The following PDE11A variants were observed in gnomAD, a reference collection of about 807,000 sequenced individuals.
PDE11A encodes the protein dual 3',5'-cyclic-AMP and -GMP phosphodiesterase 11A.
In PDE11A, 100 loss-of-function variants were observed where a neutral mutation model predicts 100.5. The ratio of observed to expected loss-of-function variants is 1.00; its 90% CI spans 0.85 to 1.18. The LOEUF is 1.18. Ranked by LOEUF, PDE11A falls within the 50% of genes most tolerant of loss-of-function variation. The pLI is 0.00. For missense variants in PDE11A, 1,141 were observed against 1,152.6 expected (o/e 0.99, Z 0.15); for synonymous variants, 381 against 420.8 (o/e 0.91, Z 1.16).
In PDE11A at chr2:178,072,209, C is replaced by T. The variant is rs777448999; in HGVS notation, c.229G>A (p.Gly77Arg). The change falls in exon 1 of 20, where the codon GGA becomes AGA. Residue 77 changes from glycine to arginine, a missense_variant. Transcript: ENST00000286063. ...TGGCTGTGGGCAGAGCCATTTGGTC[C>T]AGTGCCACCACCAACGCTGCTGCCA... ...RGGSSVGGGT[G>R]PNGSAHSQPL... 176 of 1,613,670 alleles carry T rather than the reference C, an allele frequency of 1.1e-4. No homozygotes were observed. The Admixed American group carries it at 2.9e-3, about 26-fold the overall frequency.
chr2:177,981,908 T>C (rs977645995), intron 2 of PDE11A, among the ~76,000 whole-genome samples: 1 of 150,960 alleles, frequency 6.6e-6, no homozygotes, highest in Admixed American at 6.6e-5. Flanking sequence ...GTATCCTTCC[T>C]GCGCTTAGCT....
chr2:177,650,507 T>C (rs955062212), intron 19 of PDE11A, among the ~76,000 whole-genome samples: 1 of 152,248 alleles, frequency 6.6e-6, no homozygotes. Context: ...TTTCATTCCA[T>C]TGCCCCTGTT....
At chr2:178,107,642 C>T (rs752236614) in intron 1 of PDE11A, among the ~76,000 whole-genome samples, 1 of 150,904 alleles carries the variant, frequency 6.6e-6, no homozygotes, top group Non-Finnish European at 1.5e-5. Context: ...GACTTGTTTA[C>T]GGTCACAGAT....
intron 2 of PDE11A, among the ~76,000 whole-genome samples, chr2:178,087,005 C>T (rs934345599): frequency 1.3e-5 from 2 of 152,148 alleles, no homozygotes; most frequent in African/African-American, 4.8e-5. Context: ...TTAACAGTAG[C>T]AAAGATATGG....
At chr2:178,024,175 G>A (rs750248946) in intron 1 of PDE11A, among the ~76,000 whole-genome samples, 1 of 152,158 alleles carries the variant, frequency 6.6e-6, no homozygotes, top group African/African-American at 2.4e-5. Context: ...ACTTTGGGAG[G>A]CTGAGGTGGG....
chr2:177,660,083 CTTTCTTTCTT>C lies in PDE11A; in HGVS notation c.2646+3773_2646+3782del, dbSNP rs760153439. Among the ~76,000 whole-genome samples the C allele has an allele frequency of 1.6e-4, 6 of 37,502 alleles. 2 individuals carry two copies. The highest frequency in any genetic ancestry group is 5.1e-4 in the African/African-American group (6 of 11,796). 24.6% of individuals were successfully genotyped at this position (37,502 alleles called of 152,430 possible). On this transcript the variant is annotated intron_variant, in intron 19 of 19. Transcript: ENST00000286063. Reference sequence around the variant, plus strand: ...TCTTTCTTTCTTTCTTTCTTTCTTTCTTTCTTTCTTTCTTTCTCTCTCTCTCTCTTTCTTT... The same window carrying C: ...TCTTTCTTTCTTTCTTTCTTTCTTTCTCTTTCTCTCTCTCTCTCTTTCTTT...
chr2:178,044,399 T>G lies in PDE11A; in HGVS notation c.912+27127A>C, dbSNP rs1303563701. ...TTTTATATATATAAACTTTATATGT[T>G]TATATATATATAAACTTTATATATA... On this transcript the variant is annotated intron_variant, in intron 1 of 19. Transcript: ENST00000286063. Among the ~76,000 whole-genome samples the G allele has an allele frequency of 1.2e-4, 18 of 147,916 alleles. No homozygotes were observed. The East Asian group carries it at 3.3e-3, about 27-fold the overall frequency.
intron 5 of PDE11A, among the ~76,000 whole-genome samples, chr2:177,844,747 A>T (rs2083553401): frequency 6.6e-6 from 1 of 150,840 alleles, no homozygotes; most frequent in Non-Finnish European, 1.5e-5. Flanking sequence ...ACTCTTAACG[A>T]GCATGCTGCC....
chr2:177,908,125 C>A (rs2084819786), intron 2 of PDE11A, among the ~76,000 whole-genome samples: 1 of 152,182 alleles, frequency 6.6e-6, no homozygotes, highest in Admixed American at 6.5e-5. Flanking sequence ...TTAACTTCTA[C>A]ATTCTCCAGC....
chr2:178,107,922 A>G (rs2087640649), intron 1 of PDE11A, among the ~76,000 whole-genome samples: 1 of 151,984 alleles, frequency 6.6e-6, no homozygotes, highest in Admixed American at 6.6e-5. Flanking sequence ...GGGTTTCACC[A>G]TGTTGGTCAG....
intron 5 of PDE11A, among the ~76,000 whole-genome samples, chr2:177,866,953 T>C (rs2695725): frequency 0.97 from 147,991 of 152,328 alleles, 72,023 homozygotes; most frequent in Middle Eastern, 1. Context: ...GTGTAAATCA[T>C]GAAATCAGTT....
intron 4 of PDE11A, among the ~76,000 whole-genome samples, chr2:177,879,902 C>A (rs1209122780): frequency 6.6e-6 from 1 of 152,140 alleles, no homozygotes; most frequent in Non-Finnish European, 1.5e-5. Flanking sequence ...CTTACTCCAA[C>A]ATAAATTACA....
At chr2:178,014,970 C>T (rs933733187) in intron 1 of PDE11A, among the ~76,000 whole-genome samples, 3 of 151,904 alleles carry the variant, frequency 2.0e-5, no homozygotes, top group Admixed American at 6.6e-5. Context: ...CTATAGAATG[C>T]CAGCTAAAAT....
intron 1 of PDE11A, among the ~76,000 whole-genome samples, chr2:178,023,108 G>C (rs1282049183): frequency 2.0e-5 from 3 of 152,126 alleles, no homozygotes; most frequent in Admixed American, 2.0e-4. Flanking sequence ...ATAGAGAACA[G>C]TAATTGGATA....
At chr2:177,690,188 ATTTC>A (rs142827742) in intron 15 of PDE11A, among the ~76,000 whole-genome samples, 14,164 of 152,210 alleles carry the variant, frequency 0.093, 2,191 homozygotes, top group African/African-American at 0.32. Context: ...TTACCAAAAT[ATTTC>A]CTCCATCAAC....
chr2:178,053,801 A>T (rs1559055898), intron 1 of PDE11A, among the ~76,000 whole-genome samples: 2 of 152,180 alleles, frequency 1.3e-5, no homozygotes, highest in Admixed American at 1.3e-4. Context: ...AATACAACTT[A>T]CAAGGGACGT....
chr2:177,630,342 G>A (rs1411078425), intron 19 of PDE11A, among the ~76,000 whole-genome samples: 1 of 152,122 alleles, frequency 6.6e-6, no homozygotes, highest in East Asian at 1.9e-4. Flanking sequence ...GTTCCCAAAT[G>A]GTATAAGCTT....
At chr2:177,760,417 G>C (rs2082152624) in intron 10 of PDE11A, among the ~76,000 whole-genome samples, 1 of 151,936 alleles carries the variant, frequency 6.6e-6, no homozygotes, top group Admixed American at 6.6e-5. Flanking sequence ...ATAGTCATGG[G>C]GGCTTTGGAA....
intron 2 of PDE11A, among the ~76,000 whole-genome samples, chr2:177,980,030 C>T (rs538869849): frequency 2.0e-5 from 3 of 150,660 alleles, no homozygotes; most frequent in Non-Finnish European, 4.5e-5. Flanking sequence ...CTCTCTGAAG[C>T]AGTTGACAGT....
Sources: gnomAD v4.1 joint callset for allele counts (sites outside exome capture counted in the v4.1 genomes callset) on GRCh38, gnomAD v4.1.1 for gene constraint, MANE v1.5 for transcripts, NCBI Gene and HGNC (gene_info 2026-07-23, HGNC 2026-07-21) for gene names.